PLEKHH1: variants seen among roughly 807,000 people sequenced by gnomAD.
PLEKHH1 encodes the protein pleckstrin homology domain-containing family H member 1.
A neutral mutation model predicts 160.0 loss-of-function variants in PLEKHH1; 104 were observed. The ratio of observed to expected loss-of-function variants is 0.65; its 90% confidence interval spans 0.55 to 0.76. The LOEUF is 0.76. Among genes scored for constraint, PLEKHH1 ranks in the 30% least tolerant of loss-of-function variants. The pLI, the probability that PLEKHH1 is intolerant of heterozygous loss-of-function variation, is 0.00. For missense variants in PLEKHH1, 1,427 were observed against 1,724.1 expected (o/e 0.83, Z 3.05); for synonymous variants, 619 against 678.4 (o/e 0.91, Z 1.36).
intron 5 of PLEKHH1, among the ~76,000 whole-genome samples, chr14:67,561,156 T>C (rs112748861): frequency 3.3e-5 from 5 of 152,168 alleles, no homozygotes; most frequent in African/African-American, 1.2e-4. Flanking sequence ...AGACTGCAAG[T>C]TCTTGGAGAC....
At chr14:67,572,641 T>A (rs2035444669) in intron 11 of PLEKHH1, among the ~76,000 whole-genome samples, 1 of 152,176 alleles carries the variant, frequency 6.6e-6, no homozygotes, top group Non-Finnish European at 1.5e-5. Context: ...GTGCTCAGTT[T>A]CCAGGCATTG....
chr14:67,563,066 G>A (rs953273494), intron 7 of PLEKHH1, among the ~76,000 whole-genome samples, 172 bp downstream of exon 7: 1 of 152,352 alleles, frequency 6.6e-6, no homozygotes, highest in East Asian at 1.9e-4. Flanking sequence ...GAGGGTCAGC[G>A]CCAGAATTCA....
At chr14:67,586,888 A>G in intron 28 of PLEKHH1, 186 bp from the exon 29 acceptor site, 1 of 1,526,898 alleles carries the variant, frequency 6.5e-7, no homozygotes, top group Admixed American at 2.0e-5. Flanking sequence ...GACCAACAGG[A>G]GCCCACACCA....
In PLEKHH1 at chr14:67,587,406, T is replaced by C; in HGVS notation, c.*171T>C. 1 of 713,578 alleles carries C rather than the reference T, an allele frequency of 1.4e-6. No homozygotes were observed. The allele number at this position is 713,578 out of a possible 1,614,324, so 44.2% of individuals were successfully genotyped here. A position where few individuals can be genotyped will look rare whatever the true frequency, so the allele number is the denominator to read the frequency against. On this transcript the variant is annotated 3_prime_UTR_variant, in exon 29 of 29. Coordinates refer to ENST00000329153, the MANE Select transcript of PLEKHH1 (RefSeq NM_020715.3). ...TTTACTCTCTAGGTGCCTTATAATG[T>C]TTCAGGGCTCAACTTTTTAAAATCC...
rs1307328465 is a variant in PLEKHH1, at chr14:67,562,773, A to G, written c.1142A>G (p.Glu381Gly). ...GAACCAGAGAAGATGGAGATGGAGG[A>G]GCCACCCCCAGCAGGGAAGAATGAG... is the stretch of plus-strand genomic sequence containing the variant. ...REEPEKMEMEEPPPAGKNEER... is the reference protein window; with the variant it reads ...REEPEKMEMEGPPPAGKNEER... The change falls in exon 7 of 29, where the codon GAG becomes GGG. Residue 381 changes from glutamate to glycine, a missense_variant. Glu to Gly is a moderately conservative substitution (Grantham distance 98, BLOSUM62 -2). This residue lies in a region of PLEKHH1 where 831 missense variants were observed against 929.2 expected (regional missense o/e 0.89). Transcript: ENST00000329153. 6.8e-6 allele frequency: 11 copies of G among 1,613,780 alleles called. No homozygotes were observed. Among genetic ancestry groups the G allele is most frequent in the Non-Finnish European group, 8.5e-6 (10 of 1,179,790 alleles).
At chr14:67,547,507 C>T (rs543515594) in intron 2 of PLEKHH1, among the ~76,000 whole-genome samples, 126 of 152,296 alleles carry the variant, frequency 8.3e-4, no homozygotes, top group African/African-American at 2.9e-3. Flanking sequence ...AGTTGCTACA[C>T]GCACTGGGAG....
intron 7 of PLEKHH1, among the ~76,000 whole-genome samples, chr14:67,565,975 T>G (rs2035069341): frequency 6.6e-6 from 1 of 151,942 alleles, no homozygotes; most frequent in Non-Finnish European, 1.5e-5. Context: ...CAAAAATTAT[T>G]TGGGCATGGT....
At position 67,578,774 on chromosome 14, in the gene PLEKHH1, C is replaced by T. The variant is rs886622297; in HGVS notation, c.2849+143C>T. On this transcript the variant is annotated intron_variant, in intron 20 of 28. Coordinates refer to ENST00000329153, the MANE Select transcript of PLEKHH1 (RefSeq NM_020715.3). This position sits in a 1 kb window ranked among gnomAD's most constrained non-coding sequence, Gnocchi z 5.0. ...TGGTCGTGGAGACTTCACCCATTGC[C>T]GTGTGCACAAATGGGCACGTGTGGA... 7.4e-6 allele frequency: 5 copies of T among 676,048 alleles called. No homozygotes were observed. Among genetic ancestry groups the T allele is most frequent in the South Asian group, 3.3e-5 (2 of 60,134 alleles). The allele number at this position is 676,048 out of a possible 1,614,324, so 41.9% of individuals were successfully genotyped here.
At position 67,535,670 on chromosome 14, in the gene PLEKHH1, G is replaced by A. The variant is rs537132192; in HGVS notation, c.-35+2272G>A. On this transcript the variant is annotated intron_variant, in intron 1 of 28. Coordinates refer to ENST00000329153, the MANE Select transcript of PLEKHH1 (RefSeq NM_020715.3). ...GCTGGGATTACAGGCTTGAGCCACC[G>A]TGCCCAGCCTCGTGAGCACATCTTT... is the stretch of plus-strand genomic sequence containing the variant. 2.0e-5 allele frequency among the ~76,000 whole-genome samples: 3 copies of A among 151,976 alleles called. No individual in the cohort carries two copies. The East Asian group carries it at 5.8e-4, about 29-fold the overall frequency.
chr14:67,580,056 G>C (rs2035819341), intron 22 of PLEKHH1, 180 bp downstream of exon 22: 5 of 593,086 alleles, frequency 8.4e-6, no homozygotes, highest in Non-Finnish European at 1.5e-5. Context: ...GGAGAAAAAA[G>C]CTGTTGTGTG....
At position 67,549,706 on chromosome 14, in the gene PLEKHH1, G is replaced by A. The variant is rs530576167; in HGVS notation, c.127-6119G>A. Among the ~76,000 whole-genome samples, 24 of 152,336 alleles carry A rather than the reference G, an allele frequency of 1.6e-4. No individual in the cohort carries two copies. In the South Asian group the frequency reaches 2.9e-3, roughly 18 times the overall value. On this transcript the variant is annotated intron_variant, in intron 2 of 28. Coordinates refer to ENST00000329153, the MANE Select transcript of PLEKHH1 (RefSeq NM_020715.3). Reference sequence around the variant, plus strand: ...TGAGAAGGGGTGCTGATGGGGCTACGGCTCCAGGCTGCATCCCTGAAGGAG... The same window carrying A: ...TGAGAAGGGGTGCTGATGGGGCTACAGCTCCAGGCTGCATCCCTGAAGGAG...
In PLEKHH1 at chr14:67,586,896, C is replaced by T. The variant is rs75859697; in HGVS notation, c.3934-178C>T. On this transcript the variant is annotated intron_variant, in intron 28 of 28. Coordinates refer to ENST00000329153, the MANE Select transcript of PLEKHH1 (RefSeq NM_020715.3). ...ATCTCCAGACCAACAGGAGCCCACA[C>T]CACTGGGCCTCTGAACAGCACAGTT... is the stretch of plus-strand genomic sequence containing the variant. 9,100 of 1,529,974 alleles carry T rather than the reference C, an allele frequency of 5.9e-3. 271 individuals carry two copies. The African/African-American group carries it at 0.082, about 14-fold the overall frequency. The allele number at this position is 1,529,974 out of a possible 1,614,324, so 94.8% of individuals were successfully genotyped here. A position where few individuals can be genotyped will look rare whatever the true frequency, so the allele number is the denominator to read the frequency against.
chr14:67,558,019 TC>T (rs2034664896), intron 4 of PLEKHH1, among the ~76,000 whole-genome samples: 1 of 152,170 alleles, frequency 6.6e-6, no homozygotes. Flanking sequence ...ACCAGGGTCT[TC>T]CCTTCTGAGC....
Position 67,562,311 on chromosome 14 carries a change from A to G in PLEKHH1, c.680A>G (p.Asp227Gly). 5 of 1,613,744 alleles carry G rather than the reference A, an allele frequency of 3.1e-6. No individual in the cohort carries two copies. Among genetic ancestry groups the G allele is most frequent in the Non-Finnish European group, 3.4e-6 (4 of 1,179,808 alleles). ...APSPGALQSKDSVSEAASPLE... is the reference protein window; with the variant it reads ...APSPGALQSKGSVSEAASPLE... ...TCCCCAGGTGCCCTGCAGAGCAAGG[A>G]CTCTGTTTCTGAAGCAGCAAGCCCC... is the stretch of plus-strand genomic sequence containing the variant. Residue 227 changes from aspartate (D) to glycine (G), a missense_variant, in exon 7 of 29, where the codon GAC becomes GGC. Physicochemically the swap from Asp to Gly is moderately conservative, Grantham distance 94 (BLOSUM62 -1). Around this residue, in one of 6 missense-constraint regions of PLEKHH1, gnomAD observed 831 missense variants for 929.2 expected, o/e 0.89. Coordinates refer to ENST00000329153, the MANE Select transcript of PLEKHH1 (RefSeq NM_020715.3).
intron 17 of PLEKHH1, 145 bp from the exon 18 acceptor site, chr14:67,577,157 C>G (rs1363740924): frequency 1.6e-6 from 1 of 643,648 alleles, no homozygotes; most frequent in African/African-American, 1.8e-5. Flanking sequence ...ACCCCACACT[C>G]TATGGATGAT....
At chr14:67,572,097 T>G (rs944560633) in intron 10 of PLEKHH1, 38 bp from the exon 11 acceptor site, 3 of 1,583,826 alleles carry the variant, frequency 1.9e-6, no homozygotes, top group African/African-American at 2.7e-5. Context: ...GTCGGGGAGG[T>G]GTGGGACCCG....
At chr14:67,548,355 T>A (rs912417201) in intron 2 of PLEKHH1, among the ~76,000 whole-genome samples, 1 of 152,224 alleles carries the variant, frequency 6.6e-6, no homozygotes, top group African/African-American at 2.4e-5. Flanking sequence ...GGTTTTTCTT[T>A]ACTCCCTATC....
At chr14:67,554,227 G>A (rs1445933855) in intron 2 of PLEKHH1, among the ~76,000 whole-genome samples, 2 of 152,176 alleles carry the variant, frequency 1.3e-5, no homozygotes, top group Non-Finnish European at 2.9e-5. Context: ...CTAGCAGCAG[G>A]CTGGGGGGTC....
In PLEKHH1 at chr14:67,578,046, G is replaced by A; in HGVS notation, c.2598G>A (p.Val866=). ...LFKSCQLFIN[V]PVEAASVDYH... is the part of the protein sequence containing the mutation. Reference sequence around the variant, plus strand: ...AGTCCTGCCAGCTCTTCATCAACGTGCCGGTGGAAGCTGCCTCGGTGGACT... The same window carrying A: ...AGTCCTGCCAGCTCTTCATCAACGTACCGGTGGAAGCTGCCTCGGTGGACT... Residue 866 remains valine, a synonymous_variant, in exon 19 of 29, where the codon GTG becomes GTA. Coordinates refer to ENST00000329153, the MANE Select transcript of PLEKHH1 (RefSeq NM_020715.3). The surrounding 1 kb of genome is among the most constrained non-coding windows in gnomAD (Gnocchi z 5.0). 1 of 1,613,820 alleles carries A rather than the reference G, an allele frequency of 6.2e-7. No homozygotes were observed. The highest frequency in any genetic ancestry group is 8.5e-7 in the Non-Finnish European group (1 of 1,179,824).
Sources: allele counts gnomAD v4.1 joint callset (sites outside exome capture counted in the v4.1 genomes callset), GRCh38; gene constraint gnomAD v4.1.1; regional missense constraint gnomAD v4.1.1; non-coding constraint Gnocchi (gnomAD v3.1); transcripts MANE v1.5; gene names NCBI Gene and HGNC (gene_info 2026-07-23, HGNC 2026-07-21).